The following MAP3K2 variants were observed in gnomAD, a reference collection of about 807,000 sequenced individuals.
The protein encoded by MAP3K2 is mitogen-activated protein kinase kinase kinase 2.
In MAP3K2, 24 loss-of-function variants were observed where a neutral mutation model predicts 80.3. That is an observed-to-expected ratio of 0.30 (90% confidence interval 0.22 to 0.42). The LOEUF (loss-of-function observed/expected upper bound fraction) is 0.42, where lower values mean the gene tolerates loss of function less well. Ranked by LOEUF, MAP3K2 falls within the 10% of genes least tolerant of loss-of-function variation. The probability of loss-of-function intolerance (pLI) is 1.00; values close to 1 mark genes in which losing one functional copy is unlikely to be tolerated. For missense variants in MAP3K2, 608 were observed against 750.1 expected, an observed-to-expected ratio of 0.81 and a Z score of 2.21; for synonymous variants, 244 against 253.7, an observed-to-expected ratio of 0.96 and a Z score of 0.36.
chr2:127,330,274 TAC>T, intron 6 of MAP3K2, 116 bp downstream of exon 6: 2 of 604,424 alleles, frequency 3.3e-6, no homozygotes, highest in Non-Finnish European at 5.8e-6. Flanking sequence ...GATGTAAGTT[TAC>T]ATTTAATCAT....
chr2:127,370,240 G>A (rs1289755774), intron 1 of MAP3K2, among the ~76,000 whole-genome samples: 3 of 152,168 alleles, frequency 2.0e-5, no homozygotes, highest in African/African-American at 4.8e-5. Context: ...GGCCTCAGCC[G>A]CTGACTCTTT....
chr2:127,314,919 A>ATAT (rs1685872818), intron 14 of MAP3K2, 36 bp from the exon 15 acceptor site: 2 of 1,491,572 alleles, frequency 1.3e-6, no homozygotes. Context: ...AAACTACTGT[A>ATAT]TATGGTTTGA....
At chr2:127,337,120 C>T (rs763448392) in intron 4 of MAP3K2, among the ~76,000 whole-genome samples, 1 of 151,546 alleles carries the variant, frequency 6.6e-6, no homozygotes, top group Non-Finnish European at 1.5e-5. Flanking sequence ...CCAGCCTGGG[C>T]GACAGAGTAA....
At chr2:127,318,413 T>C (rs184471985) in intron 12 of MAP3K2, 96 bp from the exon 13 acceptor site, 28 of 874,926 alleles carry the variant, frequency 3.2e-5, no homozygotes, top group African/African-American at 2.6e-4. Flanking sequence ...ACATCCTTCA[T>C]TGAATGTACT....
intron 1 of MAP3K2, among the ~76,000 whole-genome samples, chr2:127,367,882 A>C (rs900887159): frequency 2.6e-5 from 4 of 152,264 alleles, no homozygotes; most frequent in African/African-American, 9.6e-5. Context: ...ATAATGAAAC[A>C]CATCTAAACA....
chr2:127,354,270 A>C (rs920496574), intron 1 of MAP3K2, among the ~76,000 whole-genome samples: 1 of 121,382 alleles, frequency 8.2e-6, no homozygotes, highest in Non-Finnish European at 1.9e-5. Flanking sequence ...ATATCATTTG[A>C]AAAAAAAAAA....
At position 127,310,479 on chromosome 2, in the gene MAP3K2, T is replaced by A. The variant is rs1042844052; in HGVS notation, c.1457-1717A>T. 6.6e-6 allele frequency among the ~76,000 whole-genome samples: 1 copy of A among 152,024 alleles called. No homozygotes were observed. The highest frequency in any genetic ancestry group is 1.5e-5 in the Non-Finnish European group (1 of 67,990). On this transcript the variant is annotated intron_variant, in intron 15 of 16. Coordinates refer to ENST00000682094, the MANE Select transcript of MAP3K2 (RefSeq NM_001371910.2). The surrounding 1 kb of genome is among the most constrained non-coding windows in gnomAD (Gnocchi z 4.8). The stretch of plus-strand genomic sequence containing the variant: ...GCCTAGGCAACGTGGTGAGACACCA[T>A]CTCTACAAAAAAATACAAAAAAATT...
At chr2:127,375,292 G>A (rs1310538227) in intron 1 of MAP3K2, among the ~76,000 whole-genome samples, 2 of 152,128 alleles carry the variant, frequency 1.3e-5, no homozygotes, top group Non-Finnish European at 2.9e-5. Flanking sequence ...AGACAACACA[G>A]GCCCCGGACA....
intron 1 of MAP3K2, among the ~76,000 whole-genome samples, chr2:127,347,963 T>C (rs1686627497): frequency 6.6e-6 from 1 of 152,148 alleles, no homozygotes; most frequent in Non-Finnish European, 1.5e-5. Flanking sequence ...TCCTATTGTA[T>C]ATACCCAAGA....
Position 127,307,546 on chromosome 2 carries a change from G to C in MAP3K2, c.*33C>G, listed in dbSNP as rs1183844941. Reference sequence around the variant, plus strand: ...AGAGAAGGTGAATGAATAGATGGGAGCTAGGTAGAGGCACAGGAGAGGTTA... The same window carrying C: ...AGAGAAGGTGAATGAATAGATGGGACCTAGGTAGAGGCACAGGAGAGGTTA... On this transcript the variant is annotated 3_prime_UTR_variant, in exon 17 of 17. Transcript: ENST00000682094. The surrounding 1 kb of genome is among the most constrained non-coding windows in gnomAD (Gnocchi z 5.4). The C allele has an allele frequency of 7.1e-7, 1 of 1,418,118 alleles. No homozygotes were observed. Among genetic ancestry groups the C allele is most frequent in the South Asian group, 1.2e-5 (1 of 80,950 alleles). The allele number at this position is 1,418,118 out of a possible 1,614,324, so 87.8% of individuals were successfully genotyped here.
Position 127,329,962 on chromosome 2 carries a change from G to GT in MAP3K2, c.424dup (p.Thr142AsnfsTer18). The GT allele has an allele frequency of 6.2e-7, 1 of 1,609,474 alleles. No individual in the cohort carries two copies. The highest frequency in any genetic ancestry group is 8.5e-7 in the Non-Finnish European group (1 of 1,176,476). On this transcript the variant is annotated frameshift_variant, in exon 7 of 17. Coordinates refer to ENST00000682094, the MANE Select transcript of MAP3K2 (RefSeq NM_001371910.2). LOFTEE classifies it high-confidence loss of function. ...TTTTTTCCTCTCTGCTCCAAATACT[G>GT]TATTATCCAAATCTTCTAGTGATGG...
At chr2:127,354,047 G>T (rs1370692549) in intron 1 of MAP3K2, among the ~76,000 whole-genome samples, 17 of 152,004 alleles carry the variant, frequency 1.1e-4, no homozygotes, top group African/African-American at 3.4e-4. Context: ...GAAGGCAACA[G>T]GCTCGTTAAG....
At chr2:127,367,571 T>C (rs1405097440) in intron 1 of MAP3K2, among the ~76,000 whole-genome samples, 2 of 152,130 alleles carry the variant, frequency 1.3e-5, no homozygotes, top group Non-Finnish European at 2.9e-5. Context: ...GGCAGGCATA[T>C]TACCTGAGGT....
chr2:127,373,809 T>C (rs918926900), intron 1 of MAP3K2, among the ~76,000 whole-genome samples: 1 of 152,188 alleles, frequency 6.6e-6, no homozygotes, highest in African/African-American at 2.4e-5. Context: ...CCTCAGACAA[T>C]GCAATCAGTT....
chr2:127,345,123 G>A (rs1038202081), intron 1 of MAP3K2, among the ~76,000 whole-genome samples: 1 of 152,092 alleles, frequency 6.6e-6, no homozygotes, highest in Non-Finnish European at 1.5e-5. Flanking sequence ...CTAAGTGCTG[G>A]GACTACGAAC....
At chr2:127,318,061 TTG>T in intron 13 of MAP3K2, 106 bp downstream of exon 13, 1 of 953,336 alleles carries the variant, frequency 1.0e-6, no homozygotes, top group Non-Finnish European at 1.5e-6. Flanking sequence ...TTTTTTTTTT[TTG>T]AAAAAAAATG....
chr2:127,329,705 A>C (rs1686214294), intron 7 of MAP3K2, among the ~76,000 whole-genome samples: 1 of 152,204 alleles, frequency 6.6e-6, no homozygotes, highest in Admixed American at 6.5e-5. Flanking sequence ...AAATACCCTG[A>C]GTATATAAAT....
chr2:127,381,338 A>G (rs1301458620), intron 1 of MAP3K2, among the ~76,000 whole-genome samples: 1 of 152,234 alleles, frequency 6.6e-6, no homozygotes, highest in Non-Finnish European at 1.5e-5. Flanking sequence ...GTTATCTAAG[A>G]AAAATTTAAA....
At chr2:127,309,575 G>A (rs1685772152) in intron 15 of MAP3K2, among the ~76,000 whole-genome samples, 1 of 152,034 alleles carries the variant, frequency 6.6e-6, no homozygotes, top group Non-Finnish European at 1.5e-5. Context: ...TCTGGATCCA[G>A]GATCCTAACC....
Sources: allele counts gnomAD v4.1 joint callset (sites outside exome capture counted in the v4.1 genomes callset), GRCh38; gene constraint gnomAD v4.1.1; non-coding constraint Gnocchi (gnomAD v3.1); transcripts MANE v1.5; gene names NCBI Gene and HGNC (gene_info 2026-07-23, HGNC 2026-07-21).